Variants in ZBTB49 observed in about 807,000 individuals in gnomAD.
ZBTB49 encodes zinc finger and BTB domain-containing protein 49.
A neutral mutation model predicts 57.5 loss-of-function variants in ZBTB49; 43 were observed. The observed-to-expected ratio is 0.75, with a 90% confidence interval of 0.59 to 0.97. The LOEUF (loss-of-function observed/expected upper bound fraction) is 0.97, where lower values mean the gene tolerates loss of function less well. Ranked by LOEUF, ZBTB49 falls within the 50% of genes least tolerant of loss-of-function variation. ZBTB49 has a pLI of 0.00. For synonymous variants in ZBTB49, 369 were observed against 362.1 expected, an observed-to-expected ratio of 1.02 and a Z score of -0.22; for missense variants, 938 against 947.7, an observed-to-expected ratio of 0.99 and a Z score of 0.13.
At chr4:4,311,799 T>C (rs1364009697) in intron 4 of ZBTB49, among the ~76,000 whole-genome samples, 1 of 152,254 alleles carries the variant, frequency 6.6e-6, no homozygotes, top group Admixed American at 6.5e-5. Context: ...AAACTCTTTC[T>C]CTTTGGTTGT....
chr4:4,293,394 A>G (rs920041047), intron 1 of ZBTB49, among the ~76,000 whole-genome samples: 1 of 152,236 alleles, frequency 6.6e-6, no homozygotes, highest in African/African-American at 2.4e-5. Context: ...AGGCATAGGC[A>G]GTAGACTGAA....
chr4:4,308,993 T>A (rs543361261), intron 4 of ZBTB49, among the ~76,000 whole-genome samples: 2 of 152,230 alleles, frequency 1.3e-5, no homozygotes, highest in Admixed American at 1.3e-4. Flanking sequence ...ATTGTCTGCA[T>A]AGGGATGCGT....
intron 4 of ZBTB49, among the ~76,000 whole-genome samples, chr4:4,309,626 G>A (rs186221347): frequency 1.0e-3 from 153 of 152,310 alleles, no homozygotes; most frequent in African/African-American, 3.1e-3. Flanking sequence ...CAGCAGCGCC[G>A]TCTAGCCAGC....
At position 4,303,782 on chromosome 4, in the gene ZBTB49, C is replaced by CTA. The variant is rs1189811492; in HGVS notation, c.1255+692_1255+693insAT. 8.1e-4 allele frequency among the ~76,000 whole-genome samples: 59 copies of CTA among 73,214 alleles called. 1 individual carries two copies. Among genetic ancestry groups the CTA allele is most frequent in the African/African-American group, 2.1e-3 (41 of 19,940 alleles). 48.0% of individuals were successfully genotyped at this position (73,214 alleles called of 152,430 possible). ...TCTCTGTGTGTGTGTCTCTCTCTCTCTCTATATATATATCTCCACACACAC... is the reference window on the plus strand; with the variant it reads ...TCTCTGTGTGTGTGTCTCTCTCTCTCTATCTATATATATATCTCCACACACAC... On this transcript the variant is annotated intron_variant, in intron 3 of 7. Transcript: ENST00000337872.
In ZBTB49 at chr4:4,302,993, C is replaced by G; in HGVS notation, c.1157C>G (p.Ser386Cys). 1.2e-6 allele frequency: 2 copies of G among 1,614,166 alleles called. No individual in the cohort carries two copies. Among genetic ancestry groups the G allele is most frequent in the South Asian group, 1.1e-5 (1 of 91,080 alleles). ...PEDPAALEDQ[S>C]QTLQSQRQYA... The stretch of plus-strand genomic sequence containing the variant: ...GACCCGGCTGCCCTGGAAGACCAGT[C>G]CCAGACACTTCAGTCCCAGAGACAA... Residue 386 changes from serine (S) to cysteine (C), a missense_variant, in exon 3 of 8, where the codon TCC becomes TGC. Physicochemically the swap from Ser to Cys is moderately radical, Grantham distance 112. Coordinates refer to ENST00000337872, the MANE Select transcript of ZBTB49 (RefSeq NM_145291.4).
intron 1 of ZBTB49, among the ~76,000 whole-genome samples, chr4:4,292,229 C>T (rs535808606): frequency 3.3e-5 from 5 of 152,196 alleles, no homozygotes; most frequent in East Asian, 1.9e-4. Flanking sequence ...TGCACTGAGC[C>T]GAAAGCACAC....
intron 5 of ZBTB49, among the ~76,000 whole-genome samples, chr4:4,314,176 T>C (rs1721095261): frequency 6.6e-6 from 1 of 152,234 alleles, no homozygotes; most frequent in Admixed American, 6.5e-5. Flanking sequence ...CTTTCTGCTG[T>C]AGCTACCTGA....
In ZBTB49 at chr4:4,321,276, C is replaced by T. The variant is rs762516583; in HGVS notation, c.2258C>T (p.Ala753Val). ...FFSSMTLWGL[A>V]MKTLQNENEL... ...TCCAGCATGACTCTCTGGGGGCTAG[C>T]GATGAAGACGCTGCAGAATGAAAAC... Residue 753 changes from alanine to valine, a missense_variant, in exon 8 of 8, where the codon GCG becomes GTG. Physicochemically the swap from Ala to Val is moderately conservative, Grantham distance 64. Coordinates refer to ENST00000337872, the MANE Select transcript of ZBTB49 (RefSeq NM_145291.4). The T allele has an allele frequency of 4.3e-6, 7 of 1,613,452 alleles. No homozygotes were observed. The highest frequency in any genetic ancestry group is 2.2e-5 in the East Asian group (1 of 44,890).
intron 2 of ZBTB49, 62 bp from the exon 3 acceptor site, chr4:4,301,927 T>C: frequency 7.2e-7 from 1 of 1,389,116 alleles, no homozygotes; most frequent in Non-Finnish European, 9.4e-7. Flanking sequence ...ATGAATGTTA[T>C]TTATAAGAAA....
chr4:4,302,847 G>A lies in ZBTB49; in HGVS notation c.1011G>A (p.Leu337=). Residue 337 remains leucine, a synonymous_variant, in exon 3 of 8, where the codon TTG becomes TTA. Transcript: ENST00000337872. ...CAGATGATGGTTTGACAAAGAGGTT[G>A]GAATCTGCTAGTAAAAATACCCTAG... ...PKSDDGLTKR[L]ESASKNTLEK... 6.2e-7 allele frequency: 1 copy of A among 1,613,732 alleles called. No individual in the cohort carries two copies. Among genetic ancestry groups the A allele is most frequent in the South Asian group, 1.1e-5 (1 of 91,072 alleles).
chr4:4,302,663 T>A lies in ZBTB49; in HGVS notation c.827T>A (p.Phe276Tyr). 6.2e-7 allele frequency: 1 copy of A among 1,610,470 alleles called. No individual in the cohort carries two copies. The highest frequency in any genetic ancestry group is 1.1e-5 in the South Asian group (1 of 90,564). ...LESPEHLPSN[F>Y]LAQPVNDSAP... The stretch of plus-strand genomic sequence containing the variant: ...TCTCCCGAGCACTTACCTTCCAACT[T>A]CCTGGCCCAGCCTGTGAATGACTCT... Residue 276 changes from phenylalanine (F) to tyrosine (Y), a missense_variant, in exon 3 of 8, where the codon TTC becomes TAC. This residue lies in a region of ZBTB49 where 835 missense variants were observed against 819.1 expected (regional missense o/e 1.02). Transcript: ENST00000337872.
intron 2 of ZBTB49, among the ~76,000 whole-genome samples, chr4:4,300,747 C>T (rs1188699285): frequency 6.6e-6 from 1 of 150,678 alleles, no homozygotes; most frequent in Non-Finnish European, 1.5e-5. Context: ...TGCCACTGTA[C>T]TCCAGCCTGA....
intron 5 of ZBTB49, among the ~76,000 whole-genome samples, chr4:4,313,888 A>G (rs1721079992): frequency 6.6e-6 from 1 of 152,204 alleles, no homozygotes; most frequent in Non-Finnish European, 1.5e-5. Flanking sequence ...TTAATCATTC[A>G]TTGATTCAAC....
At chr4:4,313,505 A>G (rs1721065189) in intron 5 of ZBTB49, among the ~76,000 whole-genome samples, 1 of 152,078 alleles carries the variant, frequency 6.6e-6, no homozygotes, top group Admixed American at 6.6e-5. Context: ...TTCAGGAGAG[A>G]AGGAGGTGGT....
In ZBTB49 at chr4:4,302,286, A is replaced by G. The variant is rs1720514790; in HGVS notation, c.450A>G (p.Glu150=). Reference sequence around the variant, plus strand: ...CAGATGCCACTTGTGTTATCAGTGAAAACTACCCCCCTCATTTACTGCAGG... The same window carrying G: ...CAGATGCCACTTGTGTTATCAGTGAGAACTACCCCCCTCATTTACTGCAGG... ...LTPDATCVIS[E]NYPPHLLQEC... The change falls in exon 3 of 8, where the codon GAA becomes GAG. Residue 150 remains glutamate, a synonymous_variant. Transcript: ENST00000337872. 1 of 1,613,996 alleles carries G rather than the reference A, an allele frequency of 6.2e-7. No individual in the cohort carries two copies. Among genetic ancestry groups the G allele is most frequent in the African/African-American group, 1.3e-5 (1 of 74,930 alleles).
At chr4:4,300,828 C>T (rs1383070627) in intron 2 of ZBTB49, among the ~76,000 whole-genome samples, 1 of 151,164 alleles carries the variant, frequency 6.6e-6, no homozygotes, top group Admixed American at 6.6e-5. Context: ...TGCATAAGTT[C>T]ATTTTGTTGT....
chr4:4,290,688 C>T (rs1719851530), intron 1 of ZBTB49, among the ~76,000 whole-genome samples: 1 of 152,244 alleles, frequency 6.6e-6, no homozygotes, highest in African/African-American at 2.4e-5. Flanking sequence ...GGAAGCCAGC[C>T]CGGCCCGCCT....
Position 4,315,977 on chromosome 4 carries a change from T to G in ZBTB49, c.1621+7T>G, listed in dbSNP as rs1418893080. 3.7e-6 allele frequency: 6 copies of G among 1,613,302 alleles called. No homozygotes were observed. The East Asian group carries it at 1.3e-4, about 36-fold the overall frequency. On this transcript the variant is annotated splice_region_variant and intron_variant, in intron 7 of 7. Coordinates refer to ENST00000337872, the MANE Select transcript of ZBTB49 (RefSeq NM_145291.4). ...TACAGCTGCTCTGCCTGCGGTGAGT[T>G]TGGGTTTCTGGCTGTCCCCTAGTCA...
At chr4:4,307,649 G>A (rs1248346909) in intron 4 of ZBTB49, among the ~76,000 whole-genome samples, 1 of 152,084 alleles carries the variant, frequency 6.6e-6, no homozygotes, top group African/African-American at 2.4e-5. Flanking sequence ...CCATCCTCAT[G>A]ACCCCCAGAT....
Sources: allele counts gnomAD v4.1 joint callset (sites outside exome capture counted in the v4.1 genomes callset), GRCh38; gene constraint gnomAD v4.1.1; regional missense constraint gnomAD v4.1.1; transcripts MANE v1.5; gene names NCBI Gene and HGNC (gene_info 2026-07-23, HGNC 2026-07-21).